The following HS2ST1 variants were observed in gnomAD, a reference collection of about 807,000 sequenced individuals.
The protein encoded by HS2ST1 is heparan sulfate 2-O-sulfotransferase 1, also known as 2-O-sulfotransferase.
Under a neutral mutation model 42.9 loss-of-function variants are expected in HS2ST1, and 18 were observed. That is an observed-to-expected ratio of 0.42 (90% CI 0.29 to 0.62). The LOEUF is 0.62. HS2ST1 is among the 20% of genes least tolerant of loss of function. HS2ST1 has a pLI of 0.21. For synonymous variants in HS2ST1, 146 were observed against 152.9 expected (o/e 0.95, Z 0.33); for missense variants, 334 against 433.8 (o/e 0.77, Z 2.04).
chr1:86,918,909 A>T (rs891690367), intron 1 of HS2ST1, among the ~76,000 whole-genome samples: 3 of 149,310 alleles, frequency 2.0e-5, no homozygotes, highest in Admixed American at 6.6e-5. Flanking sequence ...TTTTTTTTTT[A>T]AATATTAGAA....
At chr1:86,957,871 T>G (rs1647718129) in intron 1 of HS2ST1, among the ~76,000 whole-genome samples, 1 of 151,364 alleles carries the variant, frequency 6.6e-6, no homozygotes, top group Non-Finnish European at 1.5e-5. Context: ...CTCAGCTCAC[T>G]GCAAACTCTG....
chr1:86,915,711 C>G (rs1660137486), intron 1 of HS2ST1, among the ~76,000 whole-genome samples: 1 of 152,180 alleles, frequency 6.6e-6, no homozygotes, highest in Admixed American at 6.5e-5. Flanking sequence ...CTCCGGGCAG[C>G]AAAGGACCTT....
chr1:87,043,013 C>A (rs758032772), intron 1 of HS2ST1, among the ~76,000 whole-genome samples: 6 of 152,090 alleles, frequency 3.9e-5, no homozygotes, highest in East Asian at 1.9e-4. Flanking sequence ...TGCTATTATT[C>A]TTCCTTTCCC....
intron 1 of HS2ST1, among the ~76,000 whole-genome samples, chr1:87,011,428 G>A (rs1413503645): frequency 6.6e-6 from 1 of 151,906 alleles, no homozygotes; most frequent in Non-Finnish European, 1.5e-5. Flanking sequence ...TTTTTTTGTA[G>A]TGACAGGGTC....
At chr1:86,955,388 G>A (rs1647648428) in intron 1 of HS2ST1, among the ~76,000 whole-genome samples, 1 of 152,134 alleles carries the variant, frequency 6.6e-6, no homozygotes, top group Non-Finnish European at 1.5e-5. Flanking sequence ...CTTGCGAGGA[G>A]GGATCTAGGT....
chr1:86,944,398 A>G (rs976431310), intron 1 of HS2ST1, among the ~76,000 whole-genome samples: 1 of 152,146 alleles, frequency 6.6e-6, no homozygotes, highest in Non-Finnish European at 1.5e-5. Flanking sequence ...ACTGTTGCCC[A>G]GGCTGGAGTG....
At chr1:87,006,076 C>CT (rs1398289170) in intron 1 of HS2ST1, among the ~76,000 whole-genome samples, 1 of 147,818 alleles carries the variant, frequency 6.8e-6, no homozygotes, top group Non-Finnish European at 1.5e-5. Flanking sequence ...GAAAACAAAA[C>CT]TTTAATTAAA....
chr1:87,076,458 A>G (rs1328667034), intron 2 of HS2ST1, among the ~76,000 whole-genome samples: 1 of 152,248 alleles, frequency 6.6e-6, no homozygotes, highest in Non-Finnish European at 1.5e-5. Flanking sequence ...GGTGAAGAGT[A>G]TAGAGATGTT....
At chr1:87,042,001 G>A (rs1650535672) in intron 1 of HS2ST1, among the ~76,000 whole-genome samples, 1 of 152,052 alleles carries the variant, frequency 6.6e-6, no homozygotes, top group Non-Finnish European at 1.5e-5. Context: ...TAGATCATAT[G>A]TTAGTTTTGT....
chr1:86,923,398 CTTT>C (rs1440334959), intron 1 of HS2ST1, among the ~76,000 whole-genome samples: 4 of 137,788 alleles, frequency 2.9e-5, no homozygotes, highest in Non-Finnish European at 3.2e-5. Context: ...AGGGGAACGC[CTTT>C]TTTTTTTTTT....
intron 2 of HS2ST1, among the ~76,000 whole-genome samples, chr1:87,082,808 C>A (rs1024805941): frequency 6.6e-6 from 1 of 152,106 alleles, no homozygotes. Flanking sequence ...AACATGAAAA[C>A]CTCAAATCAC....
chr1:86,985,383 T>TATATATATATACACACACACAC, intron 1 of HS2ST1, among the ~76,000 whole-genome samples: 2 of 44,752 alleles, frequency 4.5e-5, no homozygotes, highest in African/African-American at 1.0e-4. Flanking sequence ...TATATATATA[T>TATATATATATACACACACACAC]ACACACACAC....
intron 1 of HS2ST1, chr1:87,046,477 A>G: frequency 8.9e-7 from 1 of 1,118,526 alleles, no homozygotes; most frequent in Non-Finnish European, 1.4e-6. Flanking sequence ...CCACTAAGGA[A>G]TGGGCTAAAT....
chr1:87,027,244 A>G (rs773011963), intron 1 of HS2ST1, among the ~76,000 whole-genome samples: 19 of 152,302 alleles, frequency 1.2e-4, no homozygotes, highest in Middle Eastern at 3.4e-3. Context: ...TTTTTATCAA[A>G]TAAAGATAAT....
chr1:86,932,347 C>G (rs1399726040), intron 1 of HS2ST1: 3 of 152,006 alleles, frequency 2.0e-5, no homozygotes, highest in African/African-American at 7.2e-5. Flanking sequence ...TACAAACATG[C>G]AGACAGACGG....
intron 1 of HS2ST1, among the ~76,000 whole-genome samples, chr1:87,039,136 G>C (rs965059601): frequency 9.2e-5 from 14 of 152,172 alleles, no homozygotes; most frequent in Admixed American, 3.9e-4. Context: ...AAGGGTTCTA[G>C]TTTTCAAAAT....
At chr1:86,944,367 A>AT (rs1042455952) in intron 1 of HS2ST1, among the ~76,000 whole-genome samples, 14 of 151,706 alleles carry the variant, frequency 9.2e-5, no homozygotes, top group African/African-American at 3.4e-4. Flanking sequence ...TTTCTTTTTT[A>AT]TTTTTTTGAG....
chr1:86,930,228 G>A (rs915897691), intron 1 of HS2ST1, among the ~76,000 whole-genome samples: 12 of 151,840 alleles, frequency 7.9e-5, no homozygotes, highest in South Asian at 4.1e-4. Flanking sequence ...TTTCATTTGC[G>A]TATTATAATG....
intron 1 of HS2ST1, among the ~76,000 whole-genome samples, chr1:86,968,568 C>CT (rs1303233906): frequency 2.0e-5 from 3 of 147,042 alleles, no homozygotes; most frequent in Non-Finnish European, 4.5e-5. Flanking sequence ...CCAGGCCCAG[C>CT]TGTTTTTTTG....
Sources: allele counts gnomAD v4.1 joint callset (sites outside exome capture counted in the v4.1 genomes callset), GRCh38; gene constraint gnomAD v4.1.1; transcripts MANE v1.5; gene names NCBI Gene and HGNC (gene_info 2026-07-23, HGNC 2026-07-21).